The following KEAP1 variants were observed in gnomAD, a reference collection of about 807,000 sequenced individuals.
KEAP1 encodes the protein kelch like ECH associated protein 1.
In KEAP1, 26 loss-of-function variants were observed where a neutral mutation model predicts 59.7. The observed-to-expected ratio is 0.44, with a 90% CI of 0.32 to 0.60. KEAP1 has a LOEUF of 0.60. KEAP1 is among the 20% of genes least tolerant of loss of function. The pLI, the probability that KEAP1 is intolerant of heterozygous loss-of-function variation, is 0.06. For missense variants in KEAP1, 539 were observed against 871.4 expected (o/e 0.62, Z 4.80); for synonymous variants, 350 against 358.3 (o/e 0.98, Z 0.26).
chr19:10,494,614 G>T (rs1914788419), intron 2 of KEAP1, among the ~76,000 whole-genome samples: 1 of 149,814 alleles, frequency 6.7e-6, no homozygotes, highest in African/African-American at 2.5e-5. Flanking sequence ...TGGGATTACA[G>T]GCCTGAGCCA....
At chr19:10,494,226 G>A (rs1211492049) in intron 2 of KEAP1, among the ~76,000 whole-genome samples, 1 of 151,664 alleles carries the variant, frequency 6.6e-6, no homozygotes, top group East Asian at 1.9e-4. Flanking sequence ...ACAGGCATGA[G>A]CCACCGTGTC....
rs772701274 is a variant in KEAP1 at position 10,486,691 on chromosome 19, G to A, written c.1836C>T (p.Pro612=). ...SGVGVAVTME[P]CRKQIDQQNC... ...TCTGCTGGTCAATCTGCTTCCGGCA[G>A]GGCTCCATGGTGACAGCCACGCCCA... is the stretch of plus-strand genomic sequence containing the variant. Residue 612 remains proline, a synonymous_variant, in exon 6 of 6, where the codon CCC becomes CCT. Coordinates refer to ENST00000171111, the MANE Select transcript of KEAP1 (RefSeq NM_203500.2). 23 of 1,613,942 alleles carry A rather than the reference G, an allele frequency of 1.4e-5. 1 individual carries two copies. In the East Asian group the frequency reaches 4.9e-4, roughly 34 times the overall value.
intron 3 of KEAP1, among the ~76,000 whole-genome samples, chr19:10,490,157 C>T (rs1043157470): frequency 3.3e-5 from 5 of 151,144 alleles, no homozygotes; most frequent in Non-Finnish European, 4.4e-5. Context: ...GAGGCTGAGG[C>T]GAGATAATCA....
rs2144595603 is a variant in KEAP1 at position 10,491,513 on chromosome 19, T to A, written c.1325+64A>T. 1 of 1,348,314 alleles carries A rather than the reference T, an allele frequency of 7.4e-7. No homozygotes were observed. The highest frequency in any genetic ancestry group is 9.9e-7 in the Non-Finnish European group (1 of 1,012,620). 83.5% of individuals were successfully genotyped at this position (1,348,314 alleles called of 1,614,324 possible). On this transcript the variant is annotated intron_variant, in intron 3 of 5. Coordinates refer to ENST00000171111, the MANE Select transcript of KEAP1 (RefSeq NM_203500.2). The surrounding 1 kb of genome is among the most constrained non-coding windows in gnomAD (Gnocchi z 5.2). ...CAGCCTCAGGAAGAATACCCGGATC[T>A]CAGTGTCTTGGGACTTGCCAGGAGC...
chr19:10,500,026 G>T lies in KEAP1; in HGVS notation c.8C>A (p.Pro3Gln). The change falls in exon 2 of 6, where the codon CCA becomes CAA. Residue 3 changes from proline to glutamine, a missense_variant. Physicochemically the swap from Pro to Gln is moderately conservative, Grantham distance 76 (BLOSUM62 -1). Transcript: ENST00000171111. MQ[P>Q]DPRPSGAGAC... Reference sequence around the variant, plus strand: ...CCCAGCCCCGCTAGGCCTGGGATCTGGCTGCATGGGGTTCCAGAAGATAAG... The same window carrying T: ...CCCAGCCCCGCTAGGCCTGGGATCTTGCTGCATGGGGTTCCAGAAGATAAG... 6.5e-7 allele frequency: 1 copy of T among 1,543,404 alleles called. No homozygotes were observed. Among genetic ancestry groups the T allele is most frequent in the Admixed American group, 2.0e-5 (1 of 50,736 alleles).
chr19:10,487,229 C>T (rs1053859576), intron 5 of KEAP1, among the ~76,000 whole-genome samples: 2 of 151,930 alleles, frequency 1.3e-5, no homozygotes, highest in African/African-American at 4.8e-5. Flanking sequence ...GCCTGTAGTC[C>T]TAGCTATTAG....
At position 10,489,354 on chromosome 19, in the gene KEAP1, GC is replaced by G; in HGVS notation, c.1545del (p.His516ThrfsTer16). 6.2e-7 allele frequency: 1 copy of G among 1,613,588 alleles called. No individual in the cohort carries two copies. The highest frequency in any genetic ancestry group is 8.5e-7 in the Non-Finnish European group (1 of 1,179,666). On this transcript the variant is annotated frameshift_variant, in exon 5 of 6. Coordinates refer to ENST00000171111, the MANE Select transcript of KEAP1 (RefSeq NM_203500.2). LOFTEE classifies it high-confidence loss of function. The part of the protein sequence containing the change: ...TIRSGAGVCV[L>X]HNCIYAAGGY... ...CCCCCAGCAGCATAGATACAGTTGT[GC>G]AGGACGCAGACGCCTAAAGGGCACC...
rs116083025 is a variant in KEAP1 at position 10,497,373 on chromosome 19, C to T, written c.639+2022G>A. On this transcript the variant is annotated intron_variant, in intron 2 of 5. Transcript: ENST00000171111. ...AGAGAAATAGAGATCAGTGTAACAT[C>T]CATCCCAGCTGGTACCAGCCAGTGG... 2.0e-3 allele frequency among the ~76,000 whole-genome samples: 312 copies of T among 152,270 alleles called. 1 individual carries two copies. Among genetic ancestry groups the T allele is most frequent in the African/African-American group, 7.1e-3 (295 of 41,542 alleles).
At chr19:10,490,733 C>T (rs978897404) in intron 3 of KEAP1, 2 of 152,172 alleles carry the variant, frequency 1.3e-5, no homozygotes, top group Non-Finnish European at 2.9e-5. Flanking sequence ...TGCAGTTGTT[C>T]TCCAAGGATT....
In KEAP1 at chr19:10,492,543, C is replaced by T. The variant is rs1005413626; in HGVS notation, c.640-281G>A. ...GACAAGCCTGGCCAATATGGTGAAA[C>T]CCCATCTCTACTAAAAATACAAAAA... is the stretch of plus-strand genomic sequence containing the variant. On this transcript the variant is annotated intron_variant, in intron 2 of 5. Coordinates refer to ENST00000171111, the MANE Select transcript of KEAP1 (RefSeq NM_203500.2). 118 of 388,818 alleles carry T rather than the reference C, an allele frequency of 3.0e-4. 1 individual carries two copies. Among genetic ancestry groups the T allele is most frequent in the South Asian group, 8.1e-4 (28 of 34,674 alleles). The allele number at this position is 388,818 out of a possible 1,614,324, so 24.1% of individuals were successfully genotyped here.
At chr19:10,497,900 A>G (rs1914903396) in intron 2 of KEAP1, among the ~76,000 whole-genome samples, 1 of 150,970 alleles carries the variant, frequency 6.6e-6, no homozygotes, top group Admixed American at 6.6e-5. Flanking sequence ...CTCTTCAAAA[A>G]CTTTTTCTTT....
rs1420940985 is a variant in KEAP1, at chr19:10,488,333, C to T, written c.1708+859G>A. On this transcript the variant is annotated intron_variant, in intron 5 of 5. Coordinates refer to ENST00000171111, the MANE Select transcript of KEAP1 (RefSeq NM_203500.2). ...AATAAAAATAAACAAAAACATTAAG[C>T]TGGGCGCGGTGGCTCACACCTGTAA... Among the ~76,000 whole-genome samples, 5 of 152,036 alleles carry T rather than the reference C, an allele frequency of 3.3e-5. No homozygotes were observed. In the East Asian group the frequency reaches 9.7e-4, roughly 29 times the overall value.
intron 2 of KEAP1, among the ~76,000 whole-genome samples, chr19:10,493,178 G>C (rs79389343): frequency 9.1e-6 from 1 of 110,346 alleles, no homozygotes; most frequent in African/African-American, 3.4e-5. Context: ...TTTTTTTTTT[G>C]GAGACAGTCT....
Position 10,486,466 on chromosome 19 carries a change from C to A in KEAP1, c.*186G>T. Reference sequence around the variant, plus strand: ...TGTCTTGGACACTCCCGGGGCTCCGCTGAGGGGCACATGATTCCCGCTTTG... The same window carrying A: ...TGTCTTGGACACTCCCGGGGCTCCGATGAGGGGCACATGATTCCCGCTTTG... On this transcript the variant is annotated 3_prime_UTR_variant, in exon 6 of 6. Coordinates refer to ENST00000171111, the MANE Select transcript of KEAP1 (RefSeq NM_203500.2). 1 of 668,664 alleles carries A rather than the reference C, an allele frequency of 1.5e-6. No homozygotes were observed. The allele number at this position is 668,664 out of a possible 1,614,324, so 41.4% of individuals were successfully genotyped here. A position where few individuals can be genotyped will look rare whatever the true frequency, so the allele number is the denominator to read the frequency against.
rs2144632194 is a variant in KEAP1 at position 10,500,082 on chromosome 19, T to C, written c.-47-2A>G. The C allele has an allele frequency of 6.6e-7, 1 of 1,510,422 alleles. No homozygotes were observed. Among genetic ancestry groups the C allele is most frequent in the African/African-American group, 1.4e-5 (1 of 71,886 alleles). 93.6% of individuals were successfully genotyped at this position (1,510,422 alleles called of 1,614,324 possible). A position where few individuals can be genotyped will look rare whatever the true frequency, so the allele number is the denominator to read the frequency against. On this transcript the variant is annotated splice_acceptor_variant, in intron 1 of 5. Transcript: ENST00000171111. LOFTEE classifies it low-confidence loss of function (5UTR_SPLICE). ...CCACCACCTCTGGCACTCAGGGACCTGGAGGGGAGAGAGCACAGGGCAGAG... is the reference window on the plus strand; with the variant it reads ...CCACCACCTCTGGCACTCAGGGACCCGGAGGGGAGAGAGCACAGGGCAGAG...
At chr19:10,500,120 G>GACTGGGCCAGCACCT in intron 1 of KEAP1, 40 bp from the exon 2 acceptor site, 20 of 1,396,850 alleles carry the variant, frequency 1.4e-5, no homozygotes, top group Non-Finnish European at 1.8e-5. Flanking sequence ...CAGGGGTTGG[G>GACTGGGCCAGCACCT]ACTGGGCCAG....
intron 4 of KEAP1, 106 bp from the exon 5 acceptor site, chr19:10,489,474 C>A: frequency 7.6e-7 from 1 of 1,308,950 alleles, no homozygotes; most frequent in Non-Finnish European, 1.1e-6. Flanking sequence ...CCTTCTCACC[C>A]TCAGAAATGA....
Position 10,489,501 on chromosome 19 carries a change from A to G in KEAP1, c.1532-133T>C, listed in dbSNP as rs559275491. 6 of 1,247,108 alleles carry G rather than the reference A, an allele frequency of 4.8e-6. No individual in the cohort carries two copies. In the South Asian group the frequency reaches 8.5e-5, roughly 18 times the overall value. The allele number at this position is 1,247,108 out of a possible 1,614,324, so 77.3% of individuals were successfully genotyped here. A position where few individuals can be genotyped will look rare whatever the true frequency, so the allele number is the denominator to read the frequency against. On this transcript the variant is annotated intron_variant, in intron 4 of 5. Coordinates refer to ENST00000171111, the MANE Select transcript of KEAP1 (RefSeq NM_203500.2). ...CAGAAATGAAGCGGGGAGAGAGAGA[A>G]GCTTGGACTCTATCAGAATCCAGGG...
At chr19:10,494,863 C>T (rs1184221084) in intron 2 of KEAP1, among the ~76,000 whole-genome samples, 1 of 149,208 alleles carries the variant, frequency 6.7e-6, no homozygotes, top group Non-Finnish European at 1.5e-5. Flanking sequence ...ACCATGTTAG[C>T]TAGGATGGTC....
Sources: allele counts gnomAD v4.1 joint callset (sites outside exome capture counted in the v4.1 genomes callset), GRCh38; gene constraint gnomAD v4.1.1; non-coding constraint Gnocchi (gnomAD v3.1); transcripts MANE v1.5; gene names NCBI Gene and HGNC (gene_info 2026-07-23, HGNC 2026-07-21).